SLCO2A1: variants seen among roughly 807,000 people sequenced by gnomAD.
The protein encoded by SLCO2A1 is matrin F/G 1.
Under a neutral mutation model 71.7 loss-of-function variants are expected in SLCO2A1, and 60 were observed. That is an observed-to-expected ratio of 0.84 (90% CI 0.68 to 1.04). The LOEUF is 1.04. SLCO2A1 is among the 50% of genes least tolerant of loss of function. SLCO2A1 has a pLI of 0.00. For synonymous variants in SLCO2A1, 308 were observed against 326.7 expected, an observed-to-expected ratio of 0.94 and a Z score of 0.62; for missense variants, 745 against 813.4, an observed-to-expected ratio of 0.92 and a Z score of 1.02.
chr3:133,971,069 T>C (rs1017653264), intron 3 of SLCO2A1, among the ~76,000 whole-genome samples: 1 of 152,218 alleles, frequency 6.6e-6, no homozygotes, highest in South Asian at 2.1e-4. Flanking sequence ...GCCCAGGCCA[T>C]GGGAGCTGAC....
At chr3:133,938,331 T>C in intron 12 of SLCO2A1, 98 bp downstream of exon 12, 1 of 1,016,754 alleles carries the variant, frequency 9.8e-7, no homozygotes, top group East Asian at 2.4e-5. Flanking sequence ...GCCATGGAGA[T>C]GAGATGGTGC....
At chr3:134,006,536 C>T (rs760518724) in intron 1 of SLCO2A1, among the ~76,000 whole-genome samples, 19 of 152,202 alleles carry the variant, frequency 1.2e-4, no homozygotes, top group Non-Finnish European at 2.2e-4. Flanking sequence ...ATGAATTTTA[C>T]TATTCTAGGT....
intron 4 of SLCO2A1, 38 bp downstream of exon 4, chr3:133,954,928 C>T (rs769361214): frequency 2.6e-6 from 4 of 1,556,272 alleles, no homozygotes; most frequent in Non-Finnish European, 3.5e-6. Flanking sequence ...ATCAGGACCT[C>T]ACCCCTCCCC....
intron 6 of SLCO2A1, 95 bp from the exon 7 acceptor site, chr3:133,949,066 C>G: frequency 8.9e-7 from 1 of 1,123,694 alleles, no homozygotes; most frequent in Non-Finnish European, 1.3e-6. Context: ...AAGCTCAGGG[C>G]TGGGTGGAGG....
rs1182742674 is a variant in SLCO2A1, at chr3:133,936,274, G to A, written c.1691-377C>T. On this transcript the variant is annotated intron_variant, in intron 12 of 13. Coordinates refer to ENST00000310926, the MANE Select transcript of SLCO2A1 (RefSeq NM_005630.3). Reference sequence around the variant, plus strand: ...CTTCTCAGGTCCTCACACTGGCCCCGAGGTGTGGGTGCCCACTTTTTAGTG... The same window carrying A: ...CTTCTCAGGTCCTCACACTGGCCCCAAGGTGTGGGTGCCCACTTTTTAGTG... Among the ~76,000 whole-genome samples the A allele has an allele frequency of 3.9e-5, 6 of 152,254 alleles. No individual in the cohort carries two copies. The East Asian group carries it at 5.8e-4, about 15-fold the overall frequency.
intron 1 of SLCO2A1, among the ~76,000 whole-genome samples, chr3:134,021,864 T>C (rs1489181876): frequency 6.6e-6 from 1 of 152,072 alleles, no homozygotes; most frequent in African/African-American, 2.4e-5. Flanking sequence ...ACCACTTTGT[T>C]GTCAGTGTAA....
intron 1 of SLCO2A1, among the ~76,000 whole-genome samples, chr3:134,002,885 A>G (rs1935132273): frequency 6.6e-6 from 1 of 152,218 alleles, no homozygotes; most frequent in African/African-American, 2.4e-5. Context: ...TGCATAAAAC[A>G]GCGCAGCTAA....
chr3:133,985,220 T>C (rs1037406281), intron 1 of SLCO2A1, among the ~76,000 whole-genome samples: 1 of 152,200 alleles, frequency 6.6e-6, no homozygotes. Flanking sequence ...TTGGAAAACA[T>C]AACGTACTAC....
In SLCO2A1 at chr3:133,935,912, A is replaced by C. The variant is rs1933258112; in HGVS notation, c.1691-15T>G. 2 of 1,577,472 alleles carry C rather than the reference A, an allele frequency of 1.3e-6. No homozygotes were observed. Among genetic ancestry groups the C allele is most frequent in the Non-Finnish European group, 1.7e-6 (2 of 1,159,766 alleles). The stretch of plus-strand genomic sequence containing the variant: ...TGGCAGCCAGGCTGGAAGAGGGTTC[A>C]GAAAGCCCTGGTCAGGTGGAACTGC... On this transcript the variant is annotated splice_polypyrimidine_tract_variant and intron_variant, in intron 12 of 13. Coordinates refer to ENST00000310926, the MANE Select transcript of SLCO2A1 (RefSeq NM_005630.3).
intron 3 of SLCO2A1, among the ~76,000 whole-genome samples, chr3:133,964,311 C>A (rs948337310): frequency 4.6e-5 from 7 of 152,162 alleles, no homozygotes; most frequent in Non-Finnish European, 1.0e-4. Context: ...GATATAATAC[C>A]TGTCTTACAA....
chr3:133,958,876 C>G (rs1360489503), intron 3 of SLCO2A1, among the ~76,000 whole-genome samples: 1 of 152,184 alleles, frequency 6.6e-6, no homozygotes, highest in Non-Finnish European at 1.5e-5. Flanking sequence ...TTGTCATTCA[C>G]AAGTGTGCTT....
chr3:133,999,246 G>C (rs1935050982), intron 1 of SLCO2A1, among the ~76,000 whole-genome samples: 2 of 152,212 alleles, frequency 1.3e-5, no homozygotes, highest in African/African-American at 4.8e-5. Context: ...TCAGGAAATG[G>C]ATGCTGGGTC....
At chr3:133,943,651 G>A (rs1559929604) in intron 10 of SLCO2A1, among the ~76,000 whole-genome samples, 1 of 152,004 alleles carries the variant, frequency 6.6e-6, no homozygotes. Context: ...TTGTCTTGAG[G>A]TATGTATGCT....
At chr3:133,948,738 C>G (rs185759344) in intron 7 of SLCO2A1, 38 bp from the exon 8 acceptor site, 3 of 1,606,422 alleles carry the variant, frequency 1.9e-6, no homozygotes, top group African/African-American at 1.3e-5. Flanking sequence ...GGCAGAACCC[C>G]TGGGCTGCAG....
rs1190534332 is a variant in SLCO2A1 at position 133,942,745 on chromosome 3, C to T, written c.1485G>A (p.Val495=). 1 of 1,607,276 alleles carries T rather than the reference C, an allele frequency of 6.2e-7. No individual in the cohort carries two copies. The highest frequency in any genetic ancestry group is 8.5e-7 in the Non-Finnish European group (1 of 1,177,798). Reference sequence around the variant, plus strand: ...TCTTTGCTGAAGCGGATCCCCCGGTCACACAGCTGCAGTTCAAATAGATCT... The same window carrying T: ...TCTTTGCTGAAGCGGATCCCCCGGTTACACAGCTGCAGTTCAAATAGATCT... ...KQLIYLNCSC[V]TGGSASAKTG... The change falls in exon 11 of 14, where the codon GTG becomes GTA. Residue 495 remains valine (V), a synonymous_variant. Coordinates refer to ENST00000310926, the MANE Select transcript of SLCO2A1 (RefSeq NM_005630.3).
intron 2 of SLCO2A1, among the ~76,000 whole-genome samples, chr3:133,976,045 C>T (rs1472978256): frequency 6.6e-6 from 1 of 152,216 alleles, no homozygotes; most frequent in Non-Finnish European, 1.5e-5. Context: ...GTGCCTAATA[C>T]TTGGTGCTCG....
intron 1 of SLCO2A1, among the ~76,000 whole-genome samples, chr3:133,986,182 G>T (rs889602085): frequency 3.3e-5 from 5 of 152,150 alleles, no homozygotes; most frequent in African/African-American, 1.2e-4. Flanking sequence ...AAATTCATTT[G>T]AAAAAAGATT....
At chr3:134,003,404 G>A (rs920652487) in intron 1 of SLCO2A1, among the ~76,000 whole-genome samples, 3 of 152,168 alleles carry the variant, frequency 2.0e-5, no homozygotes, top group Non-Finnish European at 2.9e-5. Context: ...CTGGTGATAC[G>A]CTGGGCGTCT....
intron 2 of SLCO2A1, among the ~76,000 whole-genome samples, chr3:133,975,268 G>A (rs551622680): frequency 6.6e-6 from 1 of 152,154 alleles, no homozygotes; most frequent in Non-Finnish European, 1.5e-5. Context: ...GGTCCTCCTT[G>A]TCTCAGTAAA....
Sources: allele counts gnomAD v4.1 joint callset (sites outside exome capture counted in the v4.1 genomes callset), GRCh38; gene constraint gnomAD v4.1.1; transcripts MANE v1.5; gene names NCBI Gene and HGNC (gene_info 2026-07-23, HGNC 2026-07-21).